Variants in TCTN1 observed in about 807,000 individuals in gnomAD.
TCTN1 encodes tectonic-1.
A neutral mutation model predicts 65.8 loss-of-function variants in TCTN1; 58 were observed. That is an observed-to-expected ratio of 0.88 (90% confidence interval 0.71 to 1.10). TCTN1 has a LOEUF of 1.10. TCTN1 is among the 50% of genes least tolerant of loss of function. The pLI is 0.00. For missense variants in TCTN1, 645 were observed against 719.4 expected (o/e 0.90, Z 1.18); for synonymous variants, 273 against 289.1 (o/e 0.94, Z 0.57).
Position 110,639,438 on chromosome 12 carries a change from CTGTG to C in TCTN1, c.844-925_844-922del, listed in dbSNP as rs10673730. Among the ~76,000 whole-genome samples, 1,086 of 148,110 alleles carry C rather than the reference CTGTG, an allele frequency of 7.3e-3. 1 individual carries two copies. Among genetic ancestry groups the C allele is most frequent in the Non-Finnish European group, 9.8e-3 (654 of 66,736 alleles). On this transcript the variant is annotated intron_variant, in intron 7 of 14. Transcript: ENST00000397659. The surrounding 1 kb of genome is among the most constrained non-coding windows in gnomAD (Gnocchi z 4.9). ...ATAATCCTACCACCCAGAGAAACCA[CTGTG>C]TGTGTGTGTGTGTGTGTGTATGTGT...
At chr12:110,615,152 A>T (rs1047230251) in intron 1 of TCTN1, among the ~76,000 whole-genome samples, 3 of 152,058 alleles carry the variant, frequency 2.0e-5, no homozygotes, top group African/African-American at 7.2e-5. Flanking sequence ...ATAGCCGGGC[A>T]TGGTGTAATC....
intron 4 of TCTN1, among the ~76,000 whole-genome samples, chr12:110,631,639 C>T (rs1341400230): frequency 2.0e-5 from 3 of 151,754 alleles, no homozygotes; most frequent in African/African-American, 7.3e-5. Context: ...ATCTCAAAAA[C>T]AAACAAACAA....
At chr12:110,634,996 T>C (rs1044906690) in intron 6 of TCTN1, among the ~76,000 whole-genome samples, 4 of 152,222 alleles carry the variant, frequency 2.6e-5, no homozygotes, top group African/African-American at 9.6e-5. Flanking sequence ...GATTTTTTTC[T>C]TTCATTCATT....
In TCTN1 at chr12:110,642,504, A is replaced by G. The variant is rs781249612; in HGVS notation, c.1331+115A>G. On this transcript the variant is annotated intron_variant, in intron 11 of 14. Coordinates refer to ENST00000397659, the MANE Select transcript of TCTN1 (RefSeq NM_001082538.3). ...CAGCTGATGAGCTCACATGAAAGCC[A>G]CATATAGTATATCATCATGCATGAA... 240 of 1,435,464 alleles carry G rather than the reference A, an allele frequency of 1.7e-4. 1 individual carries two copies. Among genetic ancestry groups the G allele is most frequent in the South Asian group, 4.3e-4 (37 of 85,328 alleles). 88.9% of individuals were successfully genotyped at this position (1,435,464 alleles called of 1,614,324 possible).
At chr12:110,637,266 G>A (rs2066637796) in intron 7 of TCTN1, among the ~76,000 whole-genome samples, 1 of 152,226 alleles carries the variant, frequency 6.6e-6, no homozygotes, top group African/African-American at 2.4e-5. Context: ...ATGACACAAG[G>A]CCAAGTGGGA....
At chr12:110,641,835 A>G (rs2066976752) in intron 10 of TCTN1, 2 of 577,682 alleles carry the variant, frequency 3.5e-6, no homozygotes, top group African/African-American at 1.9e-5. Flanking sequence ...GGGGTGAGAC[A>G]GCACGTCCTG....
intron 3 of TCTN1, chr12:110,628,090 A>C: frequency 1.3e-6 from 2 of 1,536,028 alleles, no homozygotes; most frequent in Non-Finnish European, 1.7e-6. Context: ...GCTGTGTGAG[A>C]GTAGAAGTCG....
At chr12:110,646,546 G>A (rs1437031015) in intron 12 of TCTN1, 1 of 153,002 alleles carries the variant, frequency 6.5e-6, no homozygotes, top group Admixed American at 6.5e-5. Context: ...AAAGCCCACG[G>A]CCCCTTTTTC....
At chr12:110,623,149 T>G (rs1488346549) in intron 2 of TCTN1, among the ~76,000 whole-genome samples, 1 of 152,166 alleles carries the variant, frequency 6.6e-6, no homozygotes, top group East Asian at 1.9e-4. Context: ...AAGTTCTCAT[T>G]ATCTATAGGC....
At chr12:110,648,347 C>T (rs896477505) in intron 14 of TCTN1, among the ~76,000 whole-genome samples, 3 of 151,992 alleles carry the variant, frequency 2.0e-5, no homozygotes, top group African/African-American at 7.2e-5. Context: ...GCCTTTTTTC[C>T]TTTTGGAAAT....
At position 110,639,952 on chromosome 12, in the gene TCTN1, T is replaced by TAA. The variant is rs960843789; in HGVS notation, c.844-430_844-429insAA. Among the ~76,000 whole-genome samples the TAA allele has an allele frequency of 6.6e-6, 1 of 152,222 alleles. No homozygotes were observed. Among genetic ancestry groups the TAA allele is most frequent in the Non-Finnish European group, 1.5e-5 (1 of 68,040 alleles). On this transcript the variant is annotated intron_variant, in intron 7 of 14. Transcript: ENST00000397659. The surrounding 1 kb of genome is among the most constrained non-coding windows in gnomAD (Gnocchi z 4.9). The stretch of plus-strand genomic sequence containing the variant: ...CCTTTTGTGTCTGGCTTCCATGACT[T>TAA]AGCATGTTTTTAAGATTCATCTGTA...
At chr12:110,635,416 A>G (rs1318073535) in intron 6 of TCTN1, among the ~76,000 whole-genome samples, 1 of 152,174 alleles carries the variant, frequency 6.6e-6, no homozygotes, top group Non-Finnish European at 1.5e-5. Flanking sequence ...GAGTTCAAGA[A>G]CCAGCCTGGG....
intron 7 of TCTN1, among the ~76,000 whole-genome samples, chr12:110,637,597 G>T (rs2066661680): frequency 6.6e-6 from 1 of 152,192 alleles, no homozygotes; most frequent in Admixed American, 6.5e-5. Context: ...GACTGAATGT[G>T]GAGCTGTGCT....
chr12:110,647,960 A>G, intron 14 of TCTN1, 67 bp downstream of exon 14: 5 of 1,602,522 alleles, frequency 3.1e-6, no homozygotes, highest in Non-Finnish European at 4.3e-6. Flanking sequence ...GTGGGGCTAG[A>G]AGTCCCTAGG....
At position 110,641,143 on chromosome 12, in the gene TCTN1, T is replaced by A. The variant is rs753154198; in HGVS notation, c.1098T>A (p.Phe366Leu). The A allele has an allele frequency of 3.7e-6, 6 of 1,614,122 alleles. No individual in the cohort carries two copies. Among genetic ancestry groups the A allele is most frequent in the Non-Finnish European group, 5.1e-6 (6 of 1,180,052 alleles). ...TGCAGCAAAAGTTTGAAATTCATTT[T>A]CTTCAGGTAAGGTTGATCAATTTGG... Reference protein sequence around the residue: ...VPLQQKFEIHFLQENTQPVPL... With the variant: ...VPLQQKFEIHLLQENTQPVPL... The change falls in exon 9 of 15, where the codon TTT (phenylalanine) becomes TTA (leucine). Residue 366 changes from phenylalanine (F) to leucine (L), a missense_variant. By Grantham distance (22) the Phe-to-Leu change is conservative. Coordinates refer to ENST00000397659, the MANE Select transcript of TCTN1 (RefSeq NM_001082538.3).
intron 11 of TCTN1, 131 bp downstream of exon 11, chr12:110,642,520 C>A: frequency 7.7e-7 from 1 of 1,300,968 alleles, no homozygotes; most frequent in Non-Finnish European, 1.1e-6. Context: ...AGTATATCAT[C>A]ATGCATGAAT....
chr12:110,626,367 A>G lies in TCTN1; in HGVS notation c.347A>G (p.Asp116Gly), dbSNP rs1324133310. The change falls in exon 3 of 15, where the codon GAC becomes GGC. Residue 116 changes from aspartate (D) to glycine (G), a missense_variant. Asp to Gly is a moderately conservative substitution (Grantham distance 94, BLOSUM62 -1). Coordinates refer to ENST00000397659, the MANE Select transcript of TCTN1 (RefSeq NM_001082538.3). ...ATTATTTTTTTAATTTTCAGGGGCG[A>G]CAGCCAGTTTTGTAGTCAAAAAGCA... ...SACSVPVVTG[D>G]SQFCSQKAVI... 6.3e-6 allele frequency: 10 copies of G among 1,581,152 alleles called. No homozygotes were observed. Among genetic ancestry groups the G allele is most frequent in the Non-Finnish European group, 8.6e-6 (10 of 1,160,886 alleles).
Position 110,619,954 on chromosome 12 carries a change from C to T in TCTN1, c.339C>T (p.Val113=). 1 of 1,614,122 alleles carries T rather than the reference C, an allele frequency of 6.2e-7. No individual in the cohort carries two copies. Among genetic ancestry groups the T allele is most frequent in the Non-Finnish European group, 8.5e-7 (1 of 1,180,038 alleles). The change falls in exon 2 of 15, where the codon GTC becomes GTT. Residue 113 remains valine, a splice_region_variant and synonymous_variant. Coordinates refer to ENST00000397659, the MANE Select transcript of TCTN1 (RefSeq NM_001082538.3). Reference sequence around the variant, plus strand: ...TTTCTGCCTGCTCAGTTCCAGTTGTCACGTAAGTTTACGTATGACACATGC... The same window carrying T: ...TTTCTGCCTGCTCAGTTCCAGTTGTTACGTAAGTTTACGTATGACACATGC... ...SVFSACSVPV[V]TGDSQFCSQK... is the part of the protein sequence containing the mutation.
rs1028201950 is a variant in TCTN1, at chr12:110,636,590, C to A, written c.843+89C>A. Reference sequence around the variant, plus strand: ...GAGCCCTTTTAAATGAATACAGTTACAATTAGAAGGGGACCTTGTTGCTAA... The same window carrying A: ...GAGCCCTTTTAAATGAATACAGTTAAAATTAGAAGGGGACCTTGTTGCTAA... On this transcript the variant is annotated intron_variant, in intron 7 of 14. Transcript: ENST00000397659. 31 of 810,466 alleles carry A rather than the reference C, an allele frequency of 3.8e-5. No individual in the cohort carries two copies. The African/African-American group carries it at 4.0e-4, about 10-fold the overall frequency. The allele number at this position is 810,466 out of a possible 1,614,324, so 50.2% of individuals were successfully genotyped here.
Sources: gnomAD v4.1 joint callset for allele counts (sites outside exome capture counted in the v4.1 genomes callset) on GRCh38, gnomAD v4.1.1 for gene constraint, Gnocchi (gnomAD v3.1) non-coding constraint, MANE v1.5 for transcripts, NCBI Gene and HGNC (gene_info 2026-07-23, HGNC 2026-07-21) for gene names.